ARMC9: variants seen among roughly 807,000 people sequenced by gnomAD.
The protein encoded by ARMC9 is armadillo repeat containing 9, also known as lisH domain-containing protein ARMC9.
Under a neutral mutation model 107.0 loss-of-function variants are expected in ARMC9, and 94 were observed. The ratio of observed to expected loss-of-function variants is 0.88; its 90% CI spans 0.74 to 1.04. The LOEUF (loss-of-function observed/expected upper bound fraction) is 1.04. Among genes scored for constraint, ARMC9 ranks in the 50% least tolerant of loss-of-function variants. ARMC9 has a pLI of 0.00. For synonymous variants in ARMC9, 380 were observed against 396.9 expected (o/e 0.96, Z 0.51); for missense variants, 942 against 1,030.1 (o/e 0.91, Z 1.17).
At chr2:231,337,905 T>A (rs1436485326) in intron 20 of ARMC9, among the ~76,000 whole-genome samples, 1 of 152,246 alleles carries the variant, frequency 6.6e-6, no homozygotes, top group Admixed American at 6.5e-5. Flanking sequence ...CAACCCTAAG[T>A]CTACCCAACC....
At chr2:231,261,026 G>A (rs1280005346) in intron 11 of ARMC9, among the ~76,000 whole-genome samples, 1 of 152,188 alleles carries the variant, frequency 6.6e-6, no homozygotes, top group African/African-American at 2.4e-5. Flanking sequence ...GGCAGTGCCT[G>A]CTCTGGAGGC....
chr2:231,327,201 G>A (rs913330703), intron 19 of ARMC9, among the ~76,000 whole-genome samples: 1 of 152,184 alleles, frequency 6.6e-6, no homozygotes, highest in East Asian at 1.9e-4. Flanking sequence ...TGTGCCGTTC[G>A]GTCGGCGTTC....
chr2:231,246,211 G>A (rs2036749986), intron 9 of ARMC9, among the ~76,000 whole-genome samples: 1 of 152,124 alleles, frequency 6.6e-6, no homozygotes, highest in Non-Finnish European at 1.5e-5. Flanking sequence ...TTATTTATTT[G>A]GCTTTTATTT....
At chr2:231,320,559 A>C (rs1031728322) in intron 19 of ARMC9, among the ~76,000 whole-genome samples, 2 of 100,744 alleles carry the variant, frequency 2.0e-5, no homozygotes, top group Non-Finnish European at 3.4e-5. Flanking sequence ...CCTCATGGAC[A>C]AAAAAAAAAA....
Position 231,360,797 on chromosome 2 carries a change from C to T in ARMC9, c.2175C>T (p.Arg725=). 1 of 1,536,158 alleles carries T rather than the reference C, an allele frequency of 6.5e-7. No homozygotes were observed. The highest frequency in any genetic ancestry group is 1.2e-5 in the South Asian group (1 of 84,068). ...CAGGAGAGTGGCTCCCAAGAGGACG[C>T]CAGGAAGAGCCTCGCCCAGCCCCCA... ...AKPGEWLPRG[R]QEEPRPAPTG... The change falls in exon 23 of 25, where the codon CGC becomes CGT. Residue 725 remains arginine, a synonymous_variant. Transcript: ENST00000611582. The surrounding 1 kb of genome is among the most constrained non-coding windows in gnomAD (Gnocchi z 4.7).
At chr2:231,220,025 A>G (rs1463456370) in intron 5 of ARMC9, among the ~76,000 whole-genome samples, 2 of 152,086 alleles carry the variant, frequency 1.3e-5, no homozygotes, top group East Asian at 3.9e-4. Flanking sequence ...GAGTAGTGCT[A>G]AGAACGTGCA....
intron 9 of ARMC9, among the ~76,000 whole-genome samples, chr2:231,254,533 G>GT (rs979761118): frequency 6.6e-6 from 1 of 151,718 alleles, no homozygotes; most frequent in African/African-American, 2.4e-5. Flanking sequence ...CAAAATATCA[G>GT]TAAGTACAAG....
chr2:231,291,883 G>C (rs1020345337), intron 18 of ARMC9, among the ~76,000 whole-genome samples: 1 of 151,502 alleles, frequency 6.6e-6, no homozygotes, highest in Non-Finnish European at 1.5e-5. Flanking sequence ...AGTTCAGCCA[G>C]GTAGGCTGAG....
intron 19 of ARMC9, among the ~76,000 whole-genome samples, chr2:231,324,693 G>C (rs1164531494): frequency 6.6e-6 from 1 of 151,656 alleles, no homozygotes; most frequent in African/African-American, 2.4e-5. Flanking sequence ...GTGGTGAGTG[G>C]AGATCACACC....
At chr2:231,347,991 T>C (rs2044881320) in intron 21 of ARMC9, among the ~76,000 whole-genome samples, 1 of 152,260 alleles carries the variant, frequency 6.6e-6, no homozygotes, top group Non-Finnish European at 1.5e-5. Flanking sequence ...TTGGAGATGA[T>C]TGAAATCTTT....
chr2:231,207,527 G>A (rs1311277894), intron 2 of ARMC9, among the ~76,000 whole-genome samples: 1 of 151,476 alleles, frequency 6.6e-6, no homozygotes, highest in Non-Finnish European at 1.5e-5. Flanking sequence ...CCAGGCAGGA[G>A]TACAGTGGTG....
chr2:231,209,130 G>A (rs2032458628), intron 3 of ARMC9, among the ~76,000 whole-genome samples: 2 of 152,096 alleles, frequency 1.3e-5, no homozygotes, highest in Non-Finnish European at 2.9e-5. Context: ...TTGAACTCCT[G>A]ACCTCAAGTG....
At position 231,360,331 on chromosome 2, in the gene ARMC9, C is replaced by G. The variant is rs1014470948; in HGVS notation, c.2132-423C>G. On this transcript the variant is annotated intron_variant, in intron 22 of 24. Coordinates refer to ENST00000611582, the MANE Select transcript of ARMC9 (RefSeq NM_001352754.2). This position sits in a 1 kb window ranked among gnomAD's most constrained non-coding sequence, Gnocchi z 4.7. ...GGCTGCTCGGTGAGGAGCACCCTAC[C>G]TCTCAGGTTGTTGGTTTTAGCAAAT... 6.6e-6 allele frequency among the ~76,000 whole-genome samples: 1 copy of G among 151,792 alleles called. No individual in the cohort carries two copies. Among genetic ancestry groups the G allele is most frequent in the Non-Finnish European group, 1.5e-5 (1 of 68,018 alleles).
chr2:231,291,911 G>A (rs1034676825), intron 18 of ARMC9, among the ~76,000 whole-genome samples: 2 of 150,850 alleles, frequency 1.3e-5, no homozygotes. Context: ...GTTCACACCT[G>A]TAATCCCAGC....
At chr2:231,241,492 G>A (rs1407685648) in intron 9 of ARMC9, among the ~76,000 whole-genome samples, 7 of 152,120 alleles carry the variant, frequency 4.6e-5, no homozygotes, top group Non-Finnish European at 1.0e-4. Flanking sequence ...GAAGCCAGCT[G>A]TATAGATTTG....
Position 231,232,394 on chromosome 2 carries a change from A to G in ARMC9, c.623-2830A>G, listed in dbSNP as rs553891080. Among the ~76,000 whole-genome samples the G allele has an allele frequency of 2.0e-5, 3 of 152,014 alleles. No homozygotes were observed. In the South Asian group the frequency reaches 6.2e-4, roughly 32 times the overall value. Reference sequence around the variant, plus strand: ...CTAATGTTTAAGGAGAATCTTGATAAATGATTTTCAGGGCCATTCTCAGGG... The same window carrying G: ...CTAATGTTTAAGGAGAATCTTGATAGATGATTTTCAGGGCCATTCTCAGGG... On this transcript the variant is annotated intron_variant, in intron 7 of 24. Coordinates refer to ENST00000611582, the MANE Select transcript of ARMC9 (RefSeq NM_001352754.2).
At position 231,352,012 on chromosome 2, in the gene ARMC9, G is replaced by A. The variant is rs559445300; in HGVS notation, c.1995-3786G>A. 1.2e-4 allele frequency among the ~76,000 whole-genome samples: 19 copies of A among 152,110 alleles called. No homozygotes were observed. The South Asian group carries it at 3.1e-3, about 25-fold the overall frequency. On this transcript the variant is annotated intron_variant, in intron 21 of 24. Transcript: ENST00000611582. ...AGACAGCATCTCGCTCTGTCACCCC[G>A]GCTGGAGTATAGCGGCACAATCACA...
At chr2:231,346,420 C>A (rs1487772422) in intron 21 of ARMC9, among the ~76,000 whole-genome samples, 2 of 152,170 alleles carry the variant, frequency 1.3e-5, no homozygotes, top group Non-Finnish European at 2.9e-5. Context: ...ACTCGGGAGG[C>A]TGAGGCAGGA....
At chr2:231,276,361 C>G (rs2039752037) in intron 14 of ARMC9, among the ~76,000 whole-genome samples, 1 of 151,618 alleles carries the variant, frequency 6.6e-6, no homozygotes, top group Non-Finnish European at 1.5e-5. Flanking sequence ...ACCTCTGCCT[C>G]CCGGGTTCAA....
Sources: gnomAD v4.1 joint callset for allele counts (sites outside exome capture counted in the v4.1 genomes callset) on GRCh38, gnomAD v4.1.1 for gene constraint, Gnocchi (gnomAD v3.1) non-coding constraint, MANE v1.5 for transcripts, NCBI Gene and HGNC (gene_info 2026-07-23, HGNC 2026-07-21) for gene names.